Variants in CNTNAP2 observed in about 807,000 individuals in gnomAD.
CNTNAP2 encodes the protein contactin-associated protein-like 2.
A neutral mutation model predicts 155.2 loss-of-function variants in CNTNAP2; 98 were observed. The ratio of observed to expected loss-of-function variants is 0.63; its 90% CI spans 0.54 to 0.75. The LOEUF is 0.75. Ranked by LOEUF, CNTNAP2 falls within the 30% of genes least tolerant of loss-of-function variation. The pLI, the probability that CNTNAP2 is intolerant of heterozygous loss-of-function variation, is 0.00. For missense variants in CNTNAP2, 1,727 were observed against 1,688.1 expected (o/e 1.02, Z -0.40); for synonymous variants, 651 against 631.2 (o/e 1.03, Z -0.47).
At chr7:147,346,179 G>A (rs989689642) in intron 9 of CNTNAP2, among the ~76,000 whole-genome samples, 1 of 139,604 alleles carries the variant, frequency 7.2e-6, no homozygotes, top group Non-Finnish European at 1.5e-5. Context: ...ACAGAGTCTC[G>A]CTCTGTCGTC....
chr7:147,865,370 A>T (rs1436266437), intron 13 of CNTNAP2, among the ~76,000 whole-genome samples: 1 of 152,054 alleles, frequency 6.6e-6, no homozygotes, highest in Non-Finnish European at 1.5e-5. Context: ...CTTACCAGGG[A>T]TATTGGTCTA....
At chr7:146,191,126 C>A (rs890255509) in intron 1 of CNTNAP2, among the ~76,000 whole-genome samples, 1 of 152,118 alleles carries the variant, frequency 6.6e-6, no homozygotes, top group African/African-American at 2.4e-5. Context: ...GGGGGAACCA[C>A]CCCTGATAAT....
At chr7:146,408,014 A>G (rs757306875) in intron 1 of CNTNAP2, among the ~76,000 whole-genome samples, 1 of 152,310 alleles carries the variant, frequency 6.6e-6, no homozygotes, top group African/African-American at 2.4e-5. Flanking sequence ...ACTATTATCA[A>G]CAAGGCTTCT....
intron 14 of CNTNAP2, among the ~76,000 whole-genome samples, chr7:147,942,025 G>T (rs181434947): frequency 9.0e-4 from 137 of 152,250 alleles, no homozygotes; most frequent in Non-Finnish European, 1.7e-3. Flanking sequence ...TGACTTACTG[G>T]CTTTTAAGAC....
At chr7:146,811,844 C>A (rs1394209637) in intron 2 of CNTNAP2, among the ~76,000 whole-genome samples, 1 of 152,124 alleles carries the variant, frequency 6.6e-6, no homozygotes, top group East Asian at 1.9e-4. Context: ...GATGGTTTTA[C>A]AAGAGGCTTT....
chr7:147,127,069 G>A (rs1801255488), intron 6 of CNTNAP2, among the ~76,000 whole-genome samples: 1 of 152,164 alleles, frequency 6.6e-6, no homozygotes, highest in Admixed American at 6.5e-5. Flanking sequence ...ATTACTGTCA[G>A]TTGGGGAAAA....
chr7:146,215,705 A>G (rs1799102309), intron 1 of CNTNAP2, among the ~76,000 whole-genome samples: 1 of 152,134 alleles, frequency 6.6e-6, no homozygotes, highest in Non-Finnish European at 1.5e-5. Flanking sequence ...CTTATTACAC[A>G]TTTCTACTCT....
At chr7:146,307,269 G>C (rs1199641976) in intron 1 of CNTNAP2, among the ~76,000 whole-genome samples, 3 of 152,218 alleles carry the variant, frequency 2.0e-5, no homozygotes, top group African/African-American at 7.2e-5. Flanking sequence ...ATGCAACTTA[G>C]AAGGGATGTG....
chr7:146,206,699 C>CATGAA (rs1011097643), intron 1 of CNTNAP2, among the ~76,000 whole-genome samples: 4 of 151,900 alleles, frequency 2.6e-5, no homozygotes, highest in African/African-American at 9.7e-5. Context: ...TGCATAAAAA[C>CATGAA]ATGAAATACA....
intron 10 of CNTNAP2, among the ~76,000 whole-genome samples, chr7:147,445,363 G>C (rs1584952264): frequency 6.6e-6 from 1 of 152,182 alleles, no homozygotes. Flanking sequence ...GGTTCATAAA[G>C]AGCCTTTACA....
intron 15 of CNTNAP2, among the ~76,000 whole-genome samples, chr7:148,086,209 AG>A: frequency 6.6e-6 from 1 of 152,326 alleles, no homozygotes; most frequent in East Asian, 1.9e-4. Context: ...TTGATGACAA[AG>A]GGGTTTTAGA....
chr7:146,670,062 G>T (rs1003084784), intron 1 of CNTNAP2, among the ~76,000 whole-genome samples: 2 of 152,124 alleles, frequency 1.3e-5, no homozygotes, highest in Non-Finnish European at 2.9e-5. Flanking sequence ...CCCGCTGTCT[G>T]TCCTTTTTGA....
chr7:146,290,064 A>G (rs185905520), intron 1 of CNTNAP2, among the ~76,000 whole-genome samples: 4 of 152,280 alleles, frequency 2.6e-5, no homozygotes, highest in African/African-American at 7.2e-5. Flanking sequence ...ATCAAACTAT[A>G]ATAATTAGTA....
chr7:146,413,462 T>A (rs1405285352), intron 1 of CNTNAP2, among the ~76,000 whole-genome samples: 1 of 152,174 alleles, frequency 6.6e-6, no homozygotes, highest in African/African-American at 2.4e-5. Context: ...TGGAAATAGG[T>A]TATTTTCTAT....
At chr7:147,663,720 A>G (rs1795652280) in intron 13 of CNTNAP2, among the ~76,000 whole-genome samples, 1 of 152,220 alleles carries the variant, frequency 6.6e-6, no homozygotes, top group Non-Finnish European at 1.5e-5. Context: ...TTTTGTGTAA[A>G]TGAATGAATT....
At chr7:147,176,478 A>G (rs928408325) in intron 8 of CNTNAP2, among the ~76,000 whole-genome samples, 1 of 151,496 alleles carries the variant, frequency 6.6e-6, no homozygotes, top group Non-Finnish European at 1.5e-5. Flanking sequence ...TTAAGTCAAA[A>G]TATTTAAATT....
chr7:146,264,762 T>G (rs1157849740), intron 1 of CNTNAP2, among the ~76,000 whole-genome samples: 3 of 152,136 alleles, frequency 2.0e-5, no homozygotes, highest in Admixed American at 2.0e-4. Context: ...TAACAACACA[T>G]TTAATGTGAG....
At chr7:147,576,808 G>T (rs1800403917) in intron 12 of CNTNAP2, among the ~76,000 whole-genome samples, 1 of 151,892 alleles carries the variant, frequency 6.6e-6, no homozygotes, top group African/African-American at 2.4e-5. Context: ...TATACGTTTG[G>T]GGTAGTATCT....
intron 2 of CNTNAP2, among the ~76,000 whole-genome samples, chr7:146,778,624 C>CA (rs537704221): frequency 2.3e-3 from 349 of 152,284 alleles, no homozygotes; most frequent in African/African-American, 7.8e-3. Context: ...AGCACAGATA[C>CA]AAAACCTTTG....
Sources: allele counts gnomAD v4.1 joint callset (sites outside exome capture counted in the v4.1 genomes callset), GRCh38; gene constraint gnomAD v4.1.1; transcripts MANE v1.5; gene names NCBI Gene and HGNC (gene_info 2026-07-23, HGNC 2026-07-21).